Variants in UBE2W observed in about 807,000 individuals in gnomAD.
UBE2W encodes ubiquitin-conjugating enzyme E2 W.
A neutral mutation model predicts 27.2 loss-of-function variants in UBE2W; 18 were observed. That is an observed-to-expected ratio of 0.66 (90% confidence interval 0.46 to 0.98). UBE2W has a LOEUF of 0.98. Among genes scored for constraint, UBE2W ranks in the 50% least tolerant of loss-of-function variants. UBE2W has a pLI of 0.00. For missense variants in UBE2W, 90 were observed against 180.2 expected (o/e 0.50, Z 2.87); for synonymous variants, 53 against 57.2 (o/e 0.93, Z 0.33).
At chr8:73,867,492 G>A (rs1216846009) in intron 1 of UBE2W, among the ~76,000 whole-genome samples, 1 of 152,048 alleles carries the variant, frequency 6.6e-6, no homozygotes, top group Non-Finnish European at 1.5e-5. Flanking sequence ...CCGAGATCAC[G>A]CCACTGCACT....
At chr8:73,870,392 G>GAAA in intron 1 of UBE2W, 14 of 858,048 alleles carry the variant, frequency 1.6e-5, no homozygotes, top group South Asian at 7.1e-5. Context: ...CTAGAAATCA[G>GAAA]AAAAAAAAAA....
At chr8:73,799,566 G>A (rs990404590) in intron 5 of UBE2W, among the ~76,000 whole-genome samples, 4 of 152,092 alleles carry the variant, frequency 2.6e-5, no homozygotes, top group Non-Finnish European at 5.9e-5. Flanking sequence ...CCTGCATCCA[G>A]CATCCAGGAA....
intron 3 of UBE2W, among the ~76,000 whole-genome samples, chr8:73,821,842 A>T (rs1270695036): frequency 6.6e-6 from 1 of 152,104 alleles, no homozygotes; most frequent in Non-Finnish European, 1.5e-5. Flanking sequence ...CTCTACAAAA[A>T]ATATAAAAAT....
At chr8:73,855,215 G>A (rs1349675664) in intron 1 of UBE2W, among the ~76,000 whole-genome samples, 1 of 152,120 alleles carries the variant, frequency 6.6e-6, no homozygotes, top group African/African-American at 2.4e-5. Context: ...CCAGAATAGT[G>A]AGAGAGCACT....
In UBE2W at chr8:73,793,277, C is replaced by T. The variant is rs1239204558; in HGVS notation, c.*825G>A. On this transcript the variant is annotated 3_prime_UTR_variant, in exon 6 of 6. Transcript: ENST00000602593. ...ACAAATAACAAGCCCAAATTATGGA[C>T]TGCAGCAATTTAATCATCACTGCCA... is the stretch of plus-strand genomic sequence containing the variant. 1 of 985,818 alleles carries T rather than the reference C, an allele frequency of 1.0e-6. No homozygotes were observed. The highest frequency in any genetic ancestry group is 1.7e-5 in the African/African-American group (1 of 57,348). The allele number at this position is 985,818 out of a possible 1,614,324, so 61.1% of individuals were successfully genotyped here.
chr8:73,869,571 G>A (rs1160639901), intron 1 of UBE2W, among the ~76,000 whole-genome samples: 5 of 152,170 alleles, frequency 3.3e-5, no homozygotes, highest in African/African-American at 9.7e-5. Context: ...CACGCCTGCA[G>A]TCCCAGCTAC....
chr8:73,794,862 A>T (rs533580796), intron 5 of UBE2W, among the ~76,000 whole-genome samples: 15 of 148,370 alleles, frequency 1.0e-4, no homozygotes, highest in African/African-American at 3.5e-4. Context: ...CATAAAAAAA[A>T]AAAAAAAGAA....
At chr8:73,781,195 G>A (rs1323823999) in intron 4 of UBE2W, among the ~76,000 whole-genome samples, 1 of 151,134 alleles carries the variant, frequency 6.6e-6, no homozygotes, top group African/African-American at 2.4e-5. Context: ...GCTTGAACCT[G>A]GGAGGCGGAG....
At chr8:73,832,136 A>AATATATATAT (rs111764105) in intron 1 of UBE2W, among the ~76,000 whole-genome samples, 5 of 145,412 alleles carry the variant, frequency 3.4e-5, no homozygotes, top group African/African-American at 1.3e-4. Context: ...AAAATAAATA[A>AATATATATAT]ATATATATAT....
At chr8:73,870,331 C>T (rs1453240331) in intron 1 of UBE2W, 2 of 1,562,696 alleles carry the variant, frequency 1.3e-6, no homozygotes, top group South Asian at 2.4e-5. Context: ...CCTCATGTAA[C>T]ACATGGTCAT....
chr8:73,808,653 A>G (rs1809019677), intron 4 of UBE2W, among the ~76,000 whole-genome samples: 1 of 152,242 alleles, frequency 6.6e-6, no homozygotes, highest in South Asian at 2.1e-4. Flanking sequence ...AAAGTAGCAC[A>G]TACTAGGTAC....
intron 3 of UBE2W, among the ~76,000 whole-genome samples, chr8:73,821,602 C>CTACAAAAACAGTGATAA (rs1809618630): frequency 0.013 from 1,808 of 139,088 alleles, 53 homozygotes; most frequent in African/African-American, 0.046. Context: ...TGGTATGTAA[C>CTACAAAAACAGTGATAA]CAGTGAGATA....
At chr8:73,818,741 C>T (rs1480695256) in intron 3 of UBE2W, among the ~76,000 whole-genome samples, 1 of 152,118 alleles carries the variant, frequency 6.6e-6, no homozygotes, top group Non-Finnish European at 1.5e-5. Flanking sequence ...TGAATGAGTT[C>T]TCTTGAGATC....
chr8:73,865,140 G>A (rs534901435), intron 1 of UBE2W, among the ~76,000 whole-genome samples: 2 of 104,022 alleles, frequency 1.9e-5, no homozygotes, highest in Admixed American at 3.0e-4. Flanking sequence ...TGTGTGCATA[G>A]AATGACAAAT....
chr8:73,794,904 T>TC (rs1417698063), intron 5 of UBE2W, among the ~76,000 whole-genome samples: 1 of 146,866 alleles, frequency 6.8e-6, no homozygotes, highest in Non-Finnish European at 1.5e-5. Flanking sequence ...TTTCAGCAAG[T>TC]ATAGATACAT....
chr8:73,866,845 C>T (rs1377383665), intron 1 of UBE2W, among the ~76,000 whole-genome samples: 10 of 150,066 alleles, frequency 6.7e-5, no homozygotes, highest in Admixed American at 6.6e-4. Flanking sequence ...GTCAGGAAAT[C>T]GAGACCAAAA....
At chr8:73,782,250 TG>T (rs1563557793), downstream of UBE2W, among the ~76,000 whole-genome samples, 3 of 151,786 alleles carry the variant, frequency 2.0e-5, no homozygotes, top group African/African-American at 7.3e-5. Context: ...CCTGGCCAAT[TG>T]TGTTTTTTTT....
At position 73,791,502 on chromosome 8, in the gene UBE2W, A is replaced by G; in HGVS notation, c.*2600T>C. On this transcript the variant is annotated 3_prime_UTR_variant, in exon 6 of 6. Transcript: ENST00000602593. ...GAAATGCAGGGAGGAGGCAAGTAGC[A>G]TATTCCTATATACATTTTCTTGATA... 1 of 985,310 alleles carries G rather than the reference A, an allele frequency of 1.0e-6. No individual in the cohort carries two copies. Among genetic ancestry groups the G allele is most frequent in the Non-Finnish European group, 1.2e-6 (1 of 829,824 alleles). 61.0% of individuals were successfully genotyped at this position (985,310 alleles called of 1,614,324 possible).
Position 73,791,545 on chromosome 8 carries a change from C to A in UBE2W, c.*2557G>T. 1 of 985,110 alleles carries A rather than the reference C, an allele frequency of 1.0e-6. No individual in the cohort carries two copies. The highest frequency in any genetic ancestry group is 1.2e-6 in the Non-Finnish European group (1 of 829,712). 61.0% of individuals were successfully genotyped at this position (985,110 alleles called of 1,614,324 possible). ...TCTTGATATTCTGGTTGTCTTTCAA[C>A]AATGCATTACAGAGAAATATTCTTT... On this transcript the variant is annotated 3_prime_UTR_variant, in exon 6 of 6. Transcript: ENST00000602593.
Sources: gnomAD v4.1 joint callset for allele counts (sites outside exome capture counted in the v4.1 genomes callset) on GRCh38, gnomAD v4.1.1 for gene constraint, MANE v1.5 for transcripts, NCBI Gene and HGNC (gene_info 2026-07-23, HGNC 2026-07-21) for gene names.